The following NFIA variants were observed in gnomAD, a reference collection of about 807,000 sequenced individuals.
NFIA encodes the protein nuclear factor I A.
NFIA carries 8 observed loss-of-function variants against 62.8 expected under a neutral mutation model. The ratio of observed to expected loss-of-function variants is 0.13; its 90% CI spans 0.07 to 0.23. The LOEUF (loss-of-function observed/expected upper bound fraction) is 0.23. NFIA is among the 10% of genes least tolerant of loss of function. The pLI is 1.00. For synonymous variants in NFIA, 235 were observed against 238.1 expected (o/e 0.99, Z 0.12); for missense variants, 410 against 642.1 (o/e 0.64, Z 3.91).
intron 4 of NFIA, among the ~76,000 whole-genome samples, chr1:61,333,068 T>C (rs9436633): frequency 0.13 from 17,112 of 132,424 alleles, 1,003 homozygotes; most frequent in Non-Finnish European, 0.16. Flanking sequence ...CACACACACA[T>C]ACACACACAC....
chr1:61,308,670 C>T (rs1659931528), intron 3 of NFIA, among the ~76,000 whole-genome samples: 1 of 152,092 alleles, frequency 6.6e-6, no homozygotes, highest in Non-Finnish European at 1.5e-5. Flanking sequence ...AGTAGTGTGA[C>T]CTCAAGCAAA....
chr1:61,138,771 A>G (rs1647283377), intron 2 of NFIA, among the ~76,000 whole-genome samples: 1 of 151,698 alleles, frequency 6.6e-6, no homozygotes, highest in African/African-American at 2.4e-5. Context: ...TAGTAGAGAC[A>G]TGGTTTCACC....
At chr1:61,121,282 C>T in intron 2 of NFIA, among the ~76,000 whole-genome samples, 1 of 152,088 alleles carries the variant, frequency 6.6e-6, no homozygotes, top group South Asian at 2.1e-4. Context: ...AAAAAACCTT[C>T]TCTTTTGGGA....
At chr1:61,312,360 T>A (rs1660164137) in intron 3 of NFIA, among the ~76,000 whole-genome samples, 1 of 152,236 alleles carries the variant, frequency 6.6e-6, no homozygotes, top group Non-Finnish European at 1.5e-5. Context: ...ATAACAACAT[T>A]GCTCCAGGGT....
intron 2 of NFIA, among the ~76,000 whole-genome samples, chr1:61,144,079 G>A (rs766790343): frequency 6.6e-6 from 1 of 152,224 alleles, no homozygotes; most frequent in Non-Finnish European, 1.5e-5. Context: ...CAAGTAGATT[G>A]TTCTAGATAC....
chr1:61,237,506 A>G (rs1392496502), intron 2 of NFIA, among the ~76,000 whole-genome samples: 2 of 152,244 alleles, frequency 1.3e-5, no homozygotes, highest in Non-Finnish European at 2.9e-5. Flanking sequence ...CAGAAAACAA[A>G]TAGTGTTTTC....
rs1662508070 is a variant in NFIA at position 61,350,774 on chromosome 1, A to G, written c.701-1676A>G. Among the ~76,000 whole-genome samples the G allele has an allele frequency of 2.0e-5, 3 of 152,186 alleles. No homozygotes were observed. In the South Asian group the frequency reaches 6.2e-4, roughly 32 times the overall value. On this transcript the variant is annotated intron_variant, in intron 4 of 10. Coordinates refer to ENST00000403491, the MANE Select transcript of NFIA (RefSeq NM_001134673.4). ...CCAGTAAACATTTTCTGCTCTCTTG[A>G]TGCTGTTTCCTCTACCTAGAAGTCC...
rs139004555 is a variant in NFIA, at chr1:61,312,353, A to T, written c.626-20159A>T. ...GGGCCCTCAGGTAAAAACACAGATA[A>T]CAACATTGCTCCAGGGTTTTTCTTT... is the stretch of plus-strand genomic sequence containing the variant. On this transcript the variant is annotated intron_variant, in intron 3 of 10. Transcript: ENST00000403491. Among the ~76,000 whole-genome samples, 859 of 152,312 alleles carry T rather than the reference A, an allele frequency of 5.6e-3. 8 individuals are homozygous for T. Among genetic ancestry groups the T allele is most frequent in the Middle Eastern group, 0.024 (7 of 294 alleles).
chr1:61,185,635 C>CT (rs755426214), intron 2 of NFIA, among the ~76,000 whole-genome samples: 15,713 of 130,642 alleles, frequency 0.12, 1,365 homozygotes, highest in African/African-American at 0.21. Flanking sequence ...TCTAACCCCA[C>CT]TTTTTTTTTT....
At chr1:61,402,558 G>A (rs951936150) in intron 7 of NFIA, among the ~76,000 whole-genome samples, 1 of 152,296 alleles carries the variant, frequency 6.6e-6, no homozygotes, top group Non-Finnish European at 1.5e-5. Flanking sequence ...GATGGAGAAG[G>A]CTGGGAGAAG....
At chr1:61,095,101 G>A (rs1646387823) in intron 2 of NFIA, among the ~76,000 whole-genome samples, 1 of 152,150 alleles carries the variant, frequency 6.6e-6, no homozygotes, top group Non-Finnish European at 1.5e-5. Flanking sequence ...AGATTGAAGT[G>A]GAATAACTGT....
chr1:61,238,864 C>T (rs1411228270), intron 2 of NFIA, among the ~76,000 whole-genome samples: 1 of 152,082 alleles, frequency 6.6e-6, no homozygotes, highest in Non-Finnish European at 1.5e-5. Context: ...CACAGCTCTC[C>T]TGGGTTACAT....
At chr1:61,410,575 T>A (rs769698191) in intron 9 of NFIA, among the ~76,000 whole-genome samples, 56 of 151,918 alleles carry the variant, frequency 3.7e-4, no homozygotes, top group Non-Finnish European at 6.9e-4. Flanking sequence ...TATTTAGGAG[T>A]TTGAGATGAC....
intron 2 of NFIA, among the ~76,000 whole-genome samples, chr1:61,187,625 T>C (rs1382094349): frequency 6.6e-6 from 1 of 152,238 alleles, no homozygotes; most frequent in South Asian, 2.1e-4. Context: ...TACCACAGAC[T>C]GGCCTATCCT....
At chr1:61,334,598 T>TC (rs1299059435) in intron 4 of NFIA, among the ~76,000 whole-genome samples, 2 of 98,586 alleles carry the variant, frequency 2.0e-5, no homozygotes, top group African/African-American at 4.0e-5. Flanking sequence ...TATATATATA[T>TC]ATATATATAT....
At position 61,203,361 on chromosome 1, in the gene NFIA, A is replaced by G. The variant is rs79899645; in HGVS notation, c.560-74159A>G. 7.3e-3 allele frequency among the ~76,000 whole-genome samples: 1,113 copies of G among 152,248 alleles called. 19 individuals are homozygous for G. Among genetic ancestry groups the G allele is most frequent in the African/African-American group, 0.025 (1,050 of 41,538 alleles). On this transcript the variant is annotated intron_variant, in intron 2 of 10. Transcript: ENST00000403491. ...GAGCGCTTCAAGTGCTCTAGTGTAC[A>G]TGTCAAAATTAAAGCACGAGTTCCA...
At position 61,406,543 on chromosome 1, in the gene NFIA, G is replaced by GGGGGGCCCCCC; in HGVS notation, c.1255-19_1255-18insGGGGGCCCCCC. On this transcript the variant is annotated intron_variant, in intron 8 of 10. Transcript: ENST00000403491. The stretch of plus-strand genomic sequence containing the variant: ...TCTTTTTCTTGTACGTGTGTTTTCT[G>GGGGGGCCCCCC]CCCCCCCCCCCCCCACAGCCCAATG... 1.1e-6 allele frequency: 1 copy of GGGGGGCCCCCC among 876,652 alleles called. No individual in the cohort carries two copies. Among genetic ancestry groups the GGGGGGCCCCCC allele is most frequent in the Non-Finnish European group, 1.5e-6 (1 of 653,744 alleles). 54.3% of individuals were successfully genotyped at this position (876,652 alleles called of 1,614,324 possible). A position where few individuals can be genotyped will look rare whatever the true frequency, so the allele number is the denominator to read the frequency against.
At chr1:61,362,929 A>G (rs1373048906) in intron 6 of NFIA, among the ~76,000 whole-genome samples, 2 of 152,222 alleles carry the variant, frequency 1.3e-5, no homozygotes, top group African/African-American at 4.8e-5. Flanking sequence ...TTACAGAGAA[A>G]TTGATAATGC....
At chr1:61,199,196 T>C (rs1652244339) in intron 2 of NFIA, among the ~76,000 whole-genome samples, 1 of 152,232 alleles carries the variant, frequency 6.6e-6, no homozygotes, top group Non-Finnish European at 1.5e-5. Context: ...TATGTTTAGC[T>C]CTTTTTATGT....
Sources: allele counts gnomAD v4.1 joint callset (sites outside exome capture counted in the v4.1 genomes callset), GRCh38; gene constraint gnomAD v4.1.1; transcripts MANE v1.5; gene names NCBI Gene and HGNC (gene_info 2026-07-23, HGNC 2026-07-21).